Variants in JAK1 observed in about 807,000 individuals in gnomAD.
The protein encoded by JAK1 is Janus kinase 1, also known as tyrosine-protein kinase JAK1.
A neutral mutation model predicts 136.6 loss-of-function variants in JAK1; 16 were observed. The observed-to-expected ratio is 0.12, with a 90% CI of 0.08 to 0.18. The LOEUF (loss-of-function observed/expected upper bound fraction) is 0.18. Among genes scored for constraint, JAK1 ranks in the 10% least tolerant of loss-of-function variants. The probability of loss-of-function intolerance (pLI) is 1.00; values close to 1 mark genes in which losing one functional copy is unlikely to be tolerated. For synonymous variants in JAK1, 492 were observed against 519.5 expected (o/e 0.95, Z 0.72); for missense variants, 859 against 1,450.1 (o/e 0.59, Z 6.62).
chr1:64,866,103 C>T (rs12093269), intron 7 of JAK1, among the ~76,000 whole-genome samples: 30,241 of 152,160 alleles, frequency 0.2, 3,375 homozygotes, highest in East Asian at 0.29. Context: ...ATAATTGTAA[C>T]GGCTATAATA....
At chr1:65,013,307 G>T (rs1646865254) in intron 2 of JAK1, among the ~76,000 whole-genome samples, 1 of 145,804 alleles carries the variant, frequency 6.9e-6, no homozygotes, top group East Asian at 2.1e-4. Context: ...TGAGGCAGGA[G>T]AATCACATGA....
chr1:64,869,559 A>G, intron 5 of JAK1, 85 bp from the exon 6 acceptor site: 2 of 1,043,274 alleles, frequency 1.9e-6, no homozygotes, highest in Non-Finnish European at 2.9e-6. Flanking sequence ...GGCCGCCTAG[A>G]AACGCAGCAC....
intron 3 of JAK1, among the ~76,000 whole-genome samples, chr1:64,881,864 T>C (rs1386603372): frequency 6.6e-6 from 1 of 152,098 alleles, no homozygotes; most frequent in Non-Finnish European, 1.5e-5. Flanking sequence ...ATACCTGCTG[T>C]GCTGATGGCA....
intron 2 of JAK1, among the ~76,000 whole-genome samples, chr1:65,006,229 C>T (rs1646802887): frequency 6.6e-6 from 1 of 152,154 alleles, no homozygotes; most frequent in African/African-American, 2.4e-5. Context: ...TTCACTATGT[C>T]ATAAACTTAG....
intron 2 of JAK1, among the ~76,000 whole-genome samples, chr1:65,027,531 T>C (rs368520922): frequency 1.8e-4 from 28 of 152,090 alleles, no homozygotes; most frequent in African/African-American, 6.8e-4. Context: ...CCAGGATGGG[T>C]TTATAAGTGA....
chr1:64,842,507 G>A (rs1446255680), intron 17 of JAK1, among the ~76,000 whole-genome samples: 2 of 152,130 alleles, frequency 1.3e-5, no homozygotes, highest in Non-Finnish European at 2.9e-5. Context: ...GGGAGGACTG[G>A]AATTAAGGAG....
intron 1 of JAK1, among the ~76,000 whole-genome samples, chr1:65,049,926 G>C (rs1003641079): frequency 6.6e-6 from 1 of 152,120 alleles, no homozygotes; most frequent in Non-Finnish European, 1.5e-5. Flanking sequence ...TCCCACAAAA[G>C]GTGACATCTC....
chr1:64,990,034 G>C (rs547625526), intron 2 of JAK1: 1 of 152,214 alleles, frequency 6.6e-6, no homozygotes, highest in Admixed American at 6.5e-5. Context: ...AAGGCCAGGC[G>C]TGGTGGCTCA....
chr1:64,894,590 C>T (rs966171331), intron 1 of JAK1, among the ~76,000 whole-genome samples: 9 of 151,916 alleles, frequency 5.9e-5, no homozygotes, highest in Non-Finnish European at 1.2e-4. Flanking sequence ...GAAACCCCGT[C>T]TCTACTAAAA....
intron 14 of JAK1, among the ~76,000 whole-genome samples, 168 bp downstream of exon 14, chr1:64,846,481 C>T (rs1365436807): frequency 6.6e-6 from 1 of 152,220 alleles, no homozygotes; most frequent in Admixed American, 6.5e-5. Context: ...AGTTCCACCT[C>T]CACTATTAAC....
intron 1 of JAK1, among the ~76,000 whole-genome samples, chr1:64,962,958 G>C (rs1252303361): frequency 2.0e-5 from 3 of 152,178 alleles, no homozygotes; most frequent in Non-Finnish European, 1.5e-5. Flanking sequence ...TGTAATCCCA[G>C]CTACTCGGGA....
At chr1:64,908,262 G>A (rs1262654513) in intron 1 of JAK1, among the ~76,000 whole-genome samples, 2 of 152,092 alleles carry the variant, frequency 1.3e-5, no homozygotes, top group African/African-American at 2.4e-5. Flanking sequence ...AGGCTTATAA[G>A]GCTAGTTTTT....
chr1:64,949,116 C>T (rs1264892725), intron 1 of JAK1, among the ~76,000 whole-genome samples: 1 of 152,174 alleles, frequency 6.6e-6, no homozygotes, highest in Non-Finnish European at 1.5e-5. Context: ...TTAATCCTAA[C>T]AGCAAAGGGC....
At chr1:65,067,379 G>A (rs866070264) in intron 1 of JAK1, among the ~76,000 whole-genome samples, 98 of 149,284 alleles carry the variant, frequency 6.6e-4, no homozygotes, top group African/African-American at 2.1e-3. Context: ...CGCTCTGTGC[G>A]CCCCACGGCT....
chr1:64,842,106 T>C (rs1257280202), intron 17 of JAK1, among the ~76,000 whole-genome samples: 1 of 152,190 alleles, frequency 6.6e-6, no homozygotes, highest in African/African-American at 2.4e-5. Flanking sequence ...AAAATTATGA[T>C]TTAATCTCAC....
intron 2 of JAK1, among the ~76,000 whole-genome samples, chr1:65,001,676 T>TG (rs1341736605): frequency 2.8e-4 from 25 of 89,104 alleles, no homozygotes; most frequent in South Asian, 1.3e-3. Context: ...AAAGTGTGTG[T>TG]GTGGGGGGGG....
chr1:64,948,928 ATAT>A (rs375817559), intron 1 of JAK1, among the ~76,000 whole-genome samples: 1 of 152,142 alleles, frequency 6.6e-6, no homozygotes, highest in Non-Finnish European at 1.5e-5. Flanking sequence ...CTAAGGCTGT[ATAT>A]TCACCAAGGA....
chr1:64,920,360 C>A (rs1334906570), intron 1 of JAK1, among the ~76,000 whole-genome samples: 1 of 151,892 alleles, frequency 6.6e-6, no homozygotes, highest in Admixed American at 6.6e-5. Flanking sequence ...GGCAACATGG[C>A]GAGACCTCAT....
rs11362588 is a variant in JAK1, at chr1:65,045,317, G to GT, written c.-180-736dup. 6.6e-5 allele frequency among the ~76,000 whole-genome samples: 10 copies of GT among 151,682 alleles called. No homozygotes were observed. The South Asian group carries it at 1.9e-3, about 28-fold the overall frequency. On this transcript the variant is annotated intron_variant, in intron 1 of 25. Transcript: ENST00000671954. ...GAATGCTTATCTAATTTAGTGAAGG[G>GT]TTTTTTTTTCTCCTTTTCTGCTTAG...
Sources: gnomAD v4.1 joint callset for allele counts (sites outside exome capture counted in the v4.1 genomes callset) on GRCh38, gnomAD v4.1.1 for gene constraint, MANE v1.5 for transcripts, NCBI Gene and HGNC (gene_info 2026-07-23, HGNC 2026-07-21) for gene names.